SNX19: variants seen among roughly 807,000 people sequenced by gnomAD.
SNX19 encodes sorting nexin-19.
Under a neutral mutation model 85.2 loss-of-function variants are expected in SNX19, and 60 were observed. The observed-to-expected ratio is 0.70, with a 90% CI of 0.57 to 0.87. The LOEUF (loss-of-function observed/expected upper bound fraction) is 0.87, where lower values mean the gene tolerates loss of function less well. SNX19 is among the 40% of genes least tolerant of loss of function. The pLI, the probability that SNX19 is intolerant of heterozygous loss-of-function variation, is 0.00. For missense variants in SNX19, 1,201 were observed against 1,217.8 expected, an observed-to-expected ratio of 0.99 and a Z score of 0.21; for synonymous variants, 520 against 470.0, an observed-to-expected ratio of 1.11 and a Z score of -1.38.
intron 8 of SNX19, among the ~76,000 whole-genome samples, chr11:130,889,142 A>G (rs1433756761): frequency 6.6e-6 from 1 of 151,978 alleles, no homozygotes; most frequent in Non-Finnish European, 1.5e-5. Context: ...TTTATCTACA[A>G]CCTCAGCTCC....
At chr11:130,907,072 TA>T (rs1734553649) in intron 5 of SNX19, among the ~76,000 whole-genome samples, 1 of 152,208 alleles carries the variant, frequency 6.6e-6, no homozygotes, top group Non-Finnish European at 1.5e-5. Flanking sequence ...TGCTGAAGAT[TA>T]AACAGACAGG....
chr11:130,879,686 C>G lies in SNX19; in HGVS notation c.2784G>C (p.Val928=), dbSNP rs765313539. Residue 928 remains valine, a synonymous_variant, in exon 10 of 11, where the codon GTG becomes GTC. Transcript: ENST00000265909. ...LPDLVVEILG[V]NKCRLSWGLV... Reference sequence around the variant, plus strand: ...GACCCCAGCTCAGCCGGCATTTGTTCACCCCAAGAATTTCTACTACGAGAT... The same window carrying G: ...GACCCCAGCTCAGCCGGCATTTGTTGACCCCAAGAATTTCTACTACGAGAT... 1 of 1,613,902 alleles carries G rather than the reference C, an allele frequency of 6.2e-7. No homozygotes were observed. The highest frequency in any genetic ancestry group is 8.5e-7 in the Non-Finnish European group (1 of 1,179,914).
At chr11:130,896,324 C>T (rs1944874496) in intron 8 of SNX19, among the ~76,000 whole-genome samples, 1 of 152,172 alleles carries the variant, frequency 6.6e-6, no homozygotes, top group Admixed American at 6.5e-5. Flanking sequence ...ATAATCTTTT[C>T]CTGATTGTGA....
Position 130,915,451 on chromosome 11 carries a change from A to G in SNX19, c.489T>C (p.Gly163=). The change falls in exon 1 of 11, where the codon GGT becomes GGC. Residue 163 remains glycine (G), a synonymous_variant. Transcript: ENST00000265909. ...CCTGAATGTAGCTCTGCAGGTGACAACCGCAGAGAGTCAGAACACTCTGGG... is the reference window on the plus strand; with the variant it reads ...CCTGAATGTAGCTCTGCAGGTGACAGCCGCAGAGAGTCAGAACACTCTGGG... ...AVAQSVLTLC[G]CHLQSYIQAK... The G allele has an allele frequency of 6.2e-7, 1 of 1,614,014 alleles. No individual in the cohort carries two copies. The highest frequency in any genetic ancestry group is 1.3e-5 in the African/African-American group (1 of 75,044).
intron 8 of SNX19, among the ~76,000 whole-genome samples, chr11:130,890,668 T>A (rs760195084): frequency 1.1e-4 from 16 of 150,664 alleles, no homozygotes; most frequent in Non-Finnish European, 2.1e-4. Flanking sequence ...CCTTGAATGT[T>A]CTCTCTCTCT....
rs1184944440 is a variant in SNX19 at position 130,874,030 on chromosome 11, T to G, written c.*4392A>C. On this transcript the variant is annotated 3_prime_UTR_variant, in exon 11 of 11. Coordinates refer to ENST00000265909, the MANE Select transcript of SNX19 (RefSeq NM_014758.3). ...ATGAGTCATAAGAGGTTTTTTGTTTTTTTTTTTTTTATTTGGGGTCTCACT... is the reference window on the plus strand; with the variant it reads ...ATGAGTCATAAGAGGTTTTTTGTTTGTTTTTTTTTTATTTGGGGTCTCACT... Among the ~76,000 whole-genome samples, 3 of 145,822 alleles carry G rather than the reference T, an allele frequency of 2.1e-5. No individual in the cohort carries two copies. Among genetic ancestry groups the G allele is most frequent in the East Asian group, 2.1e-4 (1 of 4,792 alleles).
intron 8 of SNX19, among the ~76,000 whole-genome samples, chr11:130,894,520 T>A (rs914913164): frequency 2.0e-5 from 3 of 152,212 alleles, no homozygotes; most frequent in Admixed American, 6.5e-5. Context: ...TGTATCAACA[T>A]CACGGCAGGG....
In SNX19 at chr11:130,874,030, T is replaced by TA. The variant is rs11414920; in HGVS notation, c.*4391_*4392insT. ...ATGAGTCATAAGAGGTTTTTTGTTT[T>TA]TTTTTTTTTTATTTGGGGTCTCACT... is the stretch of plus-strand genomic sequence containing the variant. On this transcript the variant is annotated 3_prime_UTR_variant, in exon 11 of 11. Coordinates refer to ENST00000265909, the MANE Select transcript of SNX19 (RefSeq NM_014758.3). 0.42 allele frequency among the ~76,000 whole-genome samples: 60,968 copies of TA among 145,748 alleles called. 12,418 individuals carry two copies. Among genetic ancestry groups the TA allele is most frequent in the South Asian group, 0.5 (2,055 of 4,126 alleles).
intron 8 of SNX19, among the ~76,000 whole-genome samples, chr11:130,891,745 G>A (rs888234118): frequency 5.3e-5 from 8 of 151,844 alleles, no homozygotes; most frequent in African/African-American, 1.9e-4. Context: ...TGGGGTCTGT[G>A]TATTTTTAGG....
Position 130,874,442 on chromosome 11 carries a change from A to G in SNX19, c.*3980T>C, listed in dbSNP as rs895862471. Among the ~76,000 whole-genome samples, 1 of 152,242 alleles carries G rather than the reference A, an allele frequency of 6.6e-6. No homozygotes were observed. Among genetic ancestry groups the G allele is most frequent in the Non-Finnish European group, 1.5e-5 (1 of 68,042 alleles). Reference sequence around the variant, plus strand: ...CTCTGGGTGTGATGCCTGAAACTGCAGCAGCAGGAAGGCAGGCAGTCTGAG... The same window carrying G: ...CTCTGGGTGTGATGCCTGAAACTGCGGCAGCAGGAAGGCAGGCAGTCTGAG... On this transcript the variant is annotated 3_prime_UTR_variant, in exon 11 of 11. Transcript: ENST00000265909.
chr11:130,908,720 T>C (rs1479490096), intron 4 of SNX19, among the ~76,000 whole-genome samples: 2 of 152,178 alleles, frequency 1.3e-5, no homozygotes, highest in African/African-American at 4.8e-5. Context: ...CAAGACCAAA[T>C]AAAATAATCC....
rs762260404 is a variant in SNX19 at position 130,903,286 on chromosome 11, G to A, written c.2542C>T (p.Leu848Phe). 6.2e-7 allele frequency: 1 copy of A among 1,613,786 alleles called. No individual in the cohort carries two copies. The highest frequency in any genetic ancestry group is 1.3e-5 in the African/African-American group (1 of 74,896). ...ACTAGGGTCCCAAAGATAAGACGAAGAAACTTTTGCATGTTTTCGGTACAT... is the reference window on the plus strand; with the variant it reads ...ACTAGGGTCCCAAAGATAAGACGAAAAAACTTTTGCATGTTTTCGGTACAT... ...WLCTENMQKF[L>F]RLIFGTLVQR... The change falls in exon 8 of 11, where the codon CTT becomes TTT. Residue 848 changes from leucine (L) to phenylalanine (F), a missense_variant. By Grantham distance (22) the Leu-to-Phe change is conservative. Around this residue, in one of 3 missense-constraint regions of SNX19, gnomAD observed 285 missense variants for 295.3 expected, o/e 0.97. Transcript: ENST00000265909.
At position 130,914,759 on chromosome 11, in the gene SNX19, A is replaced by G. The variant is rs550010560; in HGVS notation, c.1181T>C (p.Leu394Pro). 27 of 1,614,214 alleles carry G rather than the reference A, an allele frequency of 1.7e-5. No homozygotes were observed. The South Asian group carries it at 2.6e-4, about 16-fold the overall frequency. The change falls in exon 1 of 11, where the codon CTC becomes CCC. Residue 394 changes from leucine to proline, a missense_variant. Leu to Pro is a moderately conservative substitution (Grantham distance 98, BLOSUM62 -3). Coordinates refer to ENST00000265909, the MANE Select transcript of SNX19 (RefSeq NM_014758.3). ...CAGGGCATCCTGAATCCTGTCAGAG[A>G]GAAAGCTGCCTGGAGTCATGAGCAT... ...TIMLMTPGSF[L>P]SDRIQDALCA...
Position 130,916,447 on chromosome 11 carries a change from A to AGGATGACCGCC in SNX19, c.-509_-508insGGCGGTCATCC, listed in dbSNP as rs1399983230. On this transcript the variant is annotated 5_prime_UTR_variant, in exon 1 of 11. Coordinates refer to ENST00000265909, the MANE Select transcript of SNX19 (RefSeq NM_014758.3). Reference sequence around the variant, plus strand: ...GCGCTCCGCAGCCGGGCCTGTGTGAAGGCTGACCGCCGGCCGGCCGCCGGC... The same window carrying AGGATGACCGCC: ...GCGCTCCGCAGCCGGGCCTGTGTGAAGGATGACCGCCGGCTGACCGCCGGCCGGCCGCCGGC... The AGGATGACCGCC allele has an allele frequency of 6.6e-6, 1 of 152,520 alleles. No homozygotes were observed. The highest frequency in any genetic ancestry group is 2.4e-5 in the African/African-American group (1 of 41,482). 9.4% of individuals were successfully genotyped at this position (152,520 alleles called of 1,614,324 possible).
chr11:130,909,459 A>G (rs538613894), intron 4 of SNX19, among the ~76,000 whole-genome samples: 34 of 152,352 alleles, frequency 2.2e-4, no homozygotes, highest in Middle Eastern at 3.4e-3. Flanking sequence ...AGATGCTCAT[A>G]TCAGTTGGTA....
chr11:130,910,811 T>C (rs1279667712), intron 2 of SNX19, among the ~76,000 whole-genome samples: 2 of 152,244 alleles, frequency 1.3e-5, no homozygotes, highest in Admixed American at 6.5e-5. Flanking sequence ...ATACATAATT[T>C]ATGCCCAAAC....
At position 130,878,456 on chromosome 11, in the gene SNX19, G is replaced by A; in HGVS notation, c.2945C>T (p.Pro982Leu). Residue 982 changes from proline (P) to leucine (L), a missense_variant, in exon 11 of 11, where the codon CCA (proline) becomes CTA (leucine). Physicochemically the swap from Pro to Leu is moderately conservative, Grantham distance 98 (BLOSUM62 -3). Coordinates refer to ENST00000265909, the MANE Select transcript of SNX19 (RefSeq NM_014758.3). ...SAATTSASDT[P>L]GNSKRMGVSS ...GACACCCATCCTCTTAGAGTTGCCT[G>A]GGGTATCTGAGGCAGAGGTGGTAGC... 5.0e-6 allele frequency: 8 copies of A among 1,613,916 alleles called. No individual in the cohort carries two copies. The highest frequency in any genetic ancestry group is 6.8e-6 in the Non-Finnish European group (8 of 1,179,888).
Position 130,877,041 on chromosome 11 carries a change from T to C in SNX19, c.*1381A>G, listed in dbSNP as rs1943296579. 1.3e-5 allele frequency: 2 copies of C among 152,262 alleles called. No individual in the cohort carries two copies. The highest frequency in any genetic ancestry group is 2.9e-5 in the Non-Finnish European group (2 of 68,058). The allele number at this position is 152,262 out of a possible 1,614,324, so 9.4% of individuals were successfully genotyped here. A position where few individuals can be genotyped will look rare whatever the true frequency, so the allele number is the denominator to read the frequency against. On this transcript the variant is annotated 3_prime_UTR_variant, in exon 11 of 11. Transcript: ENST00000265909. The stretch of plus-strand genomic sequence containing the variant: ...CCGACTTCAGAATCTAAGAGAACTT[T>C]GACACTTGTTTTTGACACCCCATTG...
intron 8 of SNX19, chr11:130,892,998 CCT>C (rs1944601220): frequency 6.6e-6 from 1 of 152,154 alleles, no homozygotes; most frequent in Non-Finnish European, 1.5e-5. Flanking sequence ...GGAGCAAAAC[CCT>C]TAGTGCTGAA....
Sources: gnomAD v4.1 joint callset for allele counts (sites outside exome capture counted in the v4.1 genomes callset) on GRCh38, gnomAD v4.1.1 for gene constraint, gnomAD v4.1.1 regional missense constraint, MANE v1.5 for transcripts, NCBI Gene and HGNC (gene_info 2026-07-23, HGNC 2026-07-21) for gene names.